The following TGM7 variants were observed in gnomAD, a reference collection of about 807,000 sequenced individuals.
The protein encoded by TGM7 is transglutaminase 7.
Under a neutral mutation model 79.5 loss-of-function variants are expected in TGM7, and 74 were observed. The ratio of observed to expected loss-of-function variants is 0.93; its 90% CI spans 0.77 to 1.13. The LOEUF (loss-of-function observed/expected upper bound fraction) is 1.13. Among genes scored for constraint, TGM7 ranks in the 50% most tolerant of loss-of-function variants. TGM7 has a pLI of 0.00. For missense variants in TGM7, 912 were observed against 905.9 expected, an observed-to-expected ratio of 1.01 and a Z score of -0.09; for synonymous variants, 354 against 362.5, an observed-to-expected ratio of 0.98 and a Z score of 0.27.
chr15:43,276,860 A>G lies in TGM7; in HGVS notation c.1973+2T>C, dbSNP rs531886999. ...GGGGAGGTGGGCAGAAGCGTCACTT[A>G]CTCCTTTGCTATCTGCCCATTGATG... On this transcript the variant is annotated splice_donor_variant, in intron 12 of 12. Coordinates refer to ENST00000452443, the MANE Select transcript of TGM7 (RefSeq NM_052955.3). LOFTEE classifies it high-confidence loss of function. 1.8e-5 allele frequency: 29 copies of G among 1,613,454 alleles called. No homozygotes were observed. The South Asian group carries it at 2.4e-4, about 13-fold the overall frequency.
intron 3 of TGM7, among the ~76,000 whole-genome samples, chr15:43,292,498 T>G (rs1388879101): frequency 6.6e-6 from 1 of 152,232 alleles, no homozygotes; most frequent in Non-Finnish European, 1.5e-5. Context: ...AGGCTCATAT[T>G]AGGAAATGTT....
At chr15:43,279,060 C>T (rs1329403703) in intron 11 of TGM7, 57 bp downstream of exon 11, 22 of 1,560,160 alleles carry the variant, frequency 1.4e-5, no homozygotes, top group African/African-American at 2.7e-5. Flanking sequence ...TGCACCCCAG[C>T]CCCTGGATTG....
At chr15:43,277,911 A>G (rs2042886023) in intron 11 of TGM7, among the ~76,000 whole-genome samples, 1 of 152,256 alleles carries the variant, frequency 6.6e-6, no homozygotes, top group Non-Finnish European at 1.5e-5. Context: ...TAACTGTGGA[A>G]TCATCTGCAG....
intron 7 of TGM7, 100 bp from the exon 8 acceptor site, chr15:43,282,720 A>T: frequency 2.1e-6 from 2 of 962,824 alleles, no homozygotes; most frequent in Admixed American, 4.8e-5. Flanking sequence ...TCTTTTTCTT[A>T]CTTTTTATTA....
intron 1 of TGM7, 86 bp downstream of exon 1, chr15:43,302,155 C>G: frequency 6.5e-7 from 1 of 1,532,424 alleles, no homozygotes; most frequent in South Asian, 1.1e-5. Flanking sequence ...TCTCCTGTCG[C>G]TTCCCTACAT....
chr15:43,288,767 T>TAAAAATACA (rs2042949812), intron 4 of TGM7, among the ~76,000 whole-genome samples: 1 of 152,038 alleles, frequency 6.6e-6, no homozygotes, highest in South Asian at 2.1e-4. Flanking sequence ...CCGTCTCTAC[T>TAAAAATACA]AAAAATACAA....
At chr15:43,287,028 C>G (rs2042938869) in intron 6 of TGM7, among the ~76,000 whole-genome samples, 1 of 152,220 alleles carries the variant, frequency 6.6e-6, no homozygotes, top group African/African-American at 2.4e-5. Context: ...ACAAACTCCT[C>G]TATCCAGATG....
intron 1 of TGM7, among the ~76,000 whole-genome samples, chr15:43,296,093 T>G (rs1208800892): frequency 1.3e-5 from 2 of 152,192 alleles, no homozygotes; most frequent in African/African-American, 4.8e-5. Context: ...CAATTTTATG[T>G]GTAGCTAGGT....
chr15:43,284,539 CT>C, intron 7 of TGM7, among the ~76,000 whole-genome samples: 1 of 152,148 alleles, frequency 6.6e-6, no homozygotes, highest in Non-Finnish European at 1.5e-5. Context: ...TGAATAAAGA[CT>C]TTTGAGGTCA....
chr15:43,288,428 C>A (rs180775669), intron 4 of TGM7, among the ~76,000 whole-genome samples: 5 of 152,108 alleles, frequency 3.3e-5, no homozygotes, highest in African/African-American at 4.8e-5. Context: ...AGAGTGGAAA[C>A]GTTGCCCAGA....
chr15:43,292,962 G>A lies in TGM7; in HGVS notation c.194-8C>T. The A allele has an allele frequency of 6.2e-7, 1 of 1,612,604 alleles. No homozygotes were observed. The highest frequency in any genetic ancestry group is 8.5e-7 in the Non-Finnish European group (1 of 1,179,598). ...GCTCTGACGGCTTGGGTCCTGTGTAGGAGAGAATGACCCCACAGTGAGGCT... is the reference window on the plus strand; with the variant it reads ...GCTCTGACGGCTTGGGTCCTGTGTAAGAGAGAATGACCCCACAGTGAGGCT... On this transcript the variant is annotated splice_region_variant and splice_polypyrimidine_tract_variant and intron_variant, in intron 2 of 12. Transcript: ENST00000452443.
chr15:43,276,454 C>T lies in TGM7; in HGVS notation c.*1G>A, dbSNP rs751469441. ...CAGGGAGGGCAGCTGGAGGGCGGGT[C>T]TCAGGGAGCCCCAGCCACAGTGACG... On this transcript the variant is annotated 3_prime_UTR_variant, in exon 13 of 13. Coordinates refer to ENST00000452443, the MANE Select transcript of TGM7 (RefSeq NM_052955.3). The T allele has an allele frequency of 6.2e-7, 1 of 1,611,014 alleles. No individual in the cohort carries two copies. The highest frequency in any genetic ancestry group is 2.2e-5 in the East Asian group (1 of 44,836).
chr15:43,292,007 A>G lies in TGM7; in HGVS notation c.530T>C (p.Ile177Thr), dbSNP rs746328687. The G allele has an allele frequency of 1.2e-6, 2 of 1,613,994 alleles. No individual in the cohort carries two copies. Among genetic ancestry groups the G allele is most frequent in the Non-Finnish European group, 1.7e-6 (2 of 1,179,950 alleles). ...CCCGTAGTTCCAGGGCCAGGAGGTGATGAATCTTTCATGACCCTTGTAAAC... is the reference window on the plus strand; with the variant it reads ...CCCGTAGTTCCAGGGCCAGGAGGTGGTGAATCTTTCATGACCCTTGTAAAC... ...GFVYKGHERF[I>T]TSWPWNYGQF... Residue 177 changes from isoleucine (I) to threonine (T), a missense_variant, in exon 4 of 13, where the codon ATC (isoleucine) becomes ACC (threonine). By Grantham distance (89) the Ile-to-Thr change is moderately conservative. Transcript: ENST00000452443.
chr15:43,300,178 T>C (rs778413621), intron 1 of TGM7, among the ~76,000 whole-genome samples: 53 of 152,190 alleles, frequency 3.5e-4, no homozygotes, highest in Non-Finnish European at 1.0e-4. Context: ...TTTCAGAACA[T>C]AGGGGATGTT....
intron 1 of TGM7, among the ~76,000 whole-genome samples, chr15:43,295,668 C>G (rs1294266611): frequency 6.6e-6 from 1 of 152,220 alleles, no homozygotes; most frequent in Non-Finnish European, 1.5e-5. Context: ...TTGAATAAAG[C>G]TGAAGTCAAT....
chr15:43,280,862 A>T (rs1185315620), intron 9 of TGM7, among the ~76,000 whole-genome samples: 1 of 152,240 alleles, frequency 6.6e-6, no homozygotes. Context: ...GGAGAAAAGA[A>T]GAGAAGAAGA....
chr15:43,288,274 G>A (rs995018921), intron 4 of TGM7, among the ~76,000 whole-genome samples: 4 of 152,214 alleles, frequency 2.6e-5, no homozygotes, highest in African/African-American at 7.2e-5. Flanking sequence ...CAGTTTCAAA[G>A]AGGGTCACAG....
At chr15:43,300,643 T>C (rs2043021000) in intron 1 of TGM7, among the ~76,000 whole-genome samples, 1 of 151,948 alleles carries the variant, frequency 6.6e-6, no homozygotes, top group Admixed American at 6.6e-5. Flanking sequence ...CTACTAAAAA[T>C]ACAAAAAATT....
intron 1 of TGM7, 52 bp downstream of exon 1, chr15:43,302,189 C>T: frequency 6.2e-7 from 1 of 1,612,920 alleles, no homozygotes; most frequent in Admixed American, 1.7e-5. Flanking sequence ...CAAACTTCTC[C>T]CCTCTCTTGA....
Sources: gnomAD v4.1 joint callset for allele counts (sites outside exome capture counted in the v4.1 genomes callset) on GRCh38, gnomAD v4.1.1 for gene constraint, MANE v1.5 for transcripts, NCBI Gene and HGNC (gene_info 2026-07-23, HGNC 2026-07-21) for gene names.